Variants in AASDH observed in about 807,000 individuals in gnomAD.
AASDH encodes the protein beta-alanine-activating enzyme.
In AASDH, 81 loss-of-function variants were observed where a neutral mutation model predicts 102.3. The observed-to-expected ratio is 0.79, with a 90% CI of 0.66 to 0.95. The LOEUF (loss-of-function observed/expected upper bound fraction) is 0.95, where lower values mean the gene tolerates loss of function less well. Among genes scored for constraint, AASDH ranks in the 40% least tolerant of loss-of-function variants. The pLI is 0.00. For missense variants in AASDH, 1,203 were observed against 1,266.2 expected (o/e 0.95, Z 0.76); for synonymous variants, 398 against 454.0 (o/e 0.88, Z 1.57).
At chr4:56,382,641 T>A in intron 2 of AASDH, 44 bp from the exon 3 acceptor site, 1 of 1,573,146 alleles carries the variant, frequency 6.4e-7, no homozygotes, top group Non-Finnish European at 8.6e-7. Flanking sequence ...TCTGTTGATT[T>A]AGTATTTGTT....
At position 56,338,394 on chromosome 4, in the gene AASDH, G is replaced by A. The variant is rs377300152; in HGVS notation, c.*8C>T. On this transcript the variant is annotated 3_prime_UTR_variant, in exon 15 of 15. Transcript: ENST00000205214. ...CACATTTGTTATACAAATAAGGACT[G>A]TATTTGATTATTTTTGATTGCCACC... 3.1e-6 allele frequency: 5 copies of A among 1,610,690 alleles called. No individual in the cohort carries two copies. The highest frequency in any genetic ancestry group is 4.2e-6 in the Non-Finnish European group (5 of 1,177,526).
rs1176320852 is a variant in AASDH at position 56,349,630 on chromosome 4, A to G, written c.2121T>C (p.Pro707=). The G allele has an allele frequency of 1.2e-6, 2 of 1,614,246 alleles. No individual in the cohort carries two copies. The highest frequency in any genetic ancestry group is 4.5e-5 in the East Asian group (2 of 44,890). Reference sequence around the variant, plus strand: ...TGTTGGTCTGTGAAACTGAGTCAGAAGGACAGGCTGAAGAGCAATGTCCTA... The same window carrying G: ...TGTTGGTCTGTGAAACTGAGTCAGAGGGACAGGCTGAAGAGCAATGTCCTA... The part of the protein sequence containing the change: ...TKLGHCSSAC[P]SDSVSQTNIQ... The change falls in exon 11 of 15, where the codon CCT becomes CCC. Residue 707 remains proline, a synonymous_variant. Coordinates refer to ENST00000205214, the MANE Select transcript of AASDH (RefSeq NM_181806.4).
At position 56,378,596 on chromosome 4, in the gene AASDH, C is replaced by G. The variant is rs528706826; in HGVS notation, c.352-132G>C. On this transcript the variant is annotated intron_variant, in intron 3 of 14. Coordinates refer to ENST00000205214, the MANE Select transcript of AASDH (RefSeq NM_181806.4). ...ATTGGTTCTAGGATCATCTCAGATA[C>G]CAAAATCTGAAGATGCTCAAGTCCC... is the stretch of plus-strand genomic sequence containing the variant. The G allele has an allele frequency of 1.4e-5, 11 of 793,454 alleles. No individual in the cohort carries two copies. In the East Asian group the frequency reaches 3.0e-4, roughly 22 times the overall value. The allele number at this position is 793,454 out of a possible 1,614,324, so 49.2% of individuals were successfully genotyped here.
chr4:56,378,121 GAGAA>G (rs1372785683), intron 4 of AASDH, 23 bp downstream of exon 4: 2 of 1,559,276 alleles, frequency 1.3e-6, no homozygotes, highest in Admixed American at 2.0e-5. Flanking sequence ...TATAGATTCT[GAGAA>G]AGAGTCAAAG....
chr4:56,386,303 T>G (rs1753545681), intron 1 of AASDH, among the ~76,000 whole-genome samples: 1 of 152,156 alleles, frequency 6.6e-6, no homozygotes, highest in South Asian at 2.1e-4. Flanking sequence ...AACATACAGG[T>G]AGCGCAGAAG....
chr4:56,342,855 A>C lies in AASDH; in HGVS notation c.2887T>G (p.Phe963Val), dbSNP rs1383598389. The change falls in exon 14 of 15, where the codon TTT (phenylalanine) becomes GTT (valine). Residue 963 changes from phenylalanine to valine, a missense_variant. Phe to Val is a conservative substitution (Grantham distance 50, BLOSUM62 -1). Coordinates refer to ENST00000205214, the MANE Select transcript of AASDH (RefSeq NM_181806.4). ...ATTACCTGTTCTCCAAAGTGAGTAA[A>C]GCAGAGTAAATTCCCATCTACACAG... is the stretch of plus-strand genomic sequence containing the variant. ...IGCVDGNLLC[F>V]THFGEQVWQF... is the part of the protein sequence containing the mutation. 1 of 1,491,178 alleles carries C rather than the reference A, an allele frequency of 6.7e-7. No homozygotes were observed. The highest frequency in any genetic ancestry group is 1.4e-5 in the African/African-American group (1 of 71,520). The allele number at this position is 1,491,178 out of a possible 1,614,324, so 92.4% of individuals were successfully genotyped here. A position where few individuals can be genotyped will look rare whatever the true frequency, so the allele number is the denominator to read the frequency against.
At chr4:56,338,826 C>A in intron 14 of AASDH, 35 bp from the exon 15 acceptor site, 1 of 1,571,022 alleles carries the variant, frequency 6.4e-7, no homozygotes, top group Admixed American at 1.8e-5. Flanking sequence ...ATAATTCATT[C>A]ATCTAATTGC....
At chr4:56,377,506 C>T (rs76038860) in intron 4 of AASDH, among the ~76,000 whole-genome samples, 3,778 of 152,316 alleles carry the variant, frequency 0.025, 152 homozygotes, top group East Asian at 0.2. Context: ...CTCTGACATT[C>T]TAGTAGGACA....
At chr4:56,373,638 CA>C (rs1219270071) in intron 4 of AASDH, among the ~76,000 whole-genome samples, 1 of 152,118 alleles carries the variant, frequency 6.6e-6, no homozygotes, top group Non-Finnish European at 1.5e-5. Flanking sequence ...TTTCTGAGCC[CA>C]ACAAAGGCTA....
At position 56,354,741 on chromosome 4, in the gene AASDH, A is replaced by T. The variant is rs139646993; in HGVS notation, c.1174T>A (p.Phe392Ile). Reference protein sequence around the residue: ...TVVEVRDTNGFTIQEGSGQVF... With the variant: ...TVVEVRDTNGITIQEGSGQVF... ...TGGCCACTGCCTTCCTGAATTGTGA[A>T]GCCATTAGTATCTCTGACTTCAACT... The change falls in exon 7 of 15, where the codon TTC becomes ATC. Residue 392 changes from phenylalanine (F) to isoleucine (I), a missense_variant. Transcript: ENST00000205214. 1.2e-6 allele frequency: 2 copies of T among 1,609,046 alleles called. No homozygotes were observed. Among genetic ancestry groups the T allele is most frequent in the East Asian group, 2.2e-5 (1 of 44,670 alleles).
At chr4:56,374,369 G>GAAAA (rs71192096) in intron 4 of AASDH, among the ~76,000 whole-genome samples, 1 of 105,878 alleles carries the variant, frequency 9.4e-6, no homozygotes, top group East Asian at 2.8e-4. Flanking sequence ...CTCTGTCTCA[G>GAAAA]AAAAAAAAAA....
At chr4:56,377,116 T>G (rs1752454561) in intron 4 of AASDH, among the ~76,000 whole-genome samples, 1 of 151,976 alleles carries the variant, frequency 6.6e-6, no homozygotes, top group African/African-American at 2.4e-5. Context: ...TAACTTCACT[T>G]GATTCTTTTT....
At chr4:56,346,178 T>C (rs1748305591) in intron 11 of AASDH, among the ~76,000 whole-genome samples, 2 of 152,214 alleles carry the variant, frequency 1.3e-5, no homozygotes, top group Admixed American at 1.3e-4. Flanking sequence ...AGAAGTAGAA[T>C]TTGGGGACAG....
intron 11 of AASDH, chr4:56,348,979 C>T (rs1748653949): frequency 4.4e-6 from 2 of 457,916 alleles, no homozygotes; most frequent in East Asian, 3.7e-5. Context: ...TACAGCAACA[C>T]ATTTTATTAT....
chr4:56,349,466 T>C lies in AASDH; in HGVS notation c.2285A>G (p.Asp762Gly), dbSNP rs1250988223. ...TGAAGCATCTACACATTTGCCTGTG[T>C]CTGACCTCCACCTCACATGTAACTC... ...KMELHVRWRS[D>G]TGKCVDASPL... The change falls in exon 11 of 15, where the codon GAC becomes GGC. Residue 762 changes from aspartate to glycine, a missense_variant. Physicochemically the swap from Asp to Gly is moderately conservative, Grantham distance 94 (BLOSUM62 -1). Coordinates refer to ENST00000205214, the MANE Select transcript of AASDH (RefSeq NM_181806.4). The C allele has an allele frequency of 5.0e-6, 8 of 1,614,102 alleles. No homozygotes were observed. Among genetic ancestry groups the C allele is most frequent in the Non-Finnish European group, 6.8e-6 (8 of 1,180,042 alleles).
intron 9 of AASDH, 55 bp downstream of exon 9, chr4:56,353,349 T>C: frequency 1.5e-6 from 2 of 1,363,650 alleles, no homozygotes; most frequent in Non-Finnish European, 1.0e-6. Context: ...AAGCTAGTTA[T>C]GAATACAATT....
At chr4:56,386,656 G>A (rs1415121232) in intron 1 of AASDH, among the ~76,000 whole-genome samples, 1 of 150,224 alleles carries the variant, frequency 6.7e-6, no homozygotes, top group Non-Finnish European at 1.5e-5. Flanking sequence ...AGCCGGGCGC[G>A]GTGGCGGGCG....
Position 56,350,298 on chromosome 4 carries a change from C to A in AASDH, c.1693-240G>T, listed in dbSNP as rs1748851272. ...AGTGAAACCCCACCTCCACTAAAAC[C>A]ACGAAAATTAGCTGGGTGCGGTGGT... On this transcript the variant is annotated intron_variant, in intron 10 of 14. Transcript: ENST00000205214. Among the ~76,000 whole-genome samples, 2 of 151,980 alleles carry A rather than the reference C, an allele frequency of 1.3e-5. 1 individual carries two copies. Among genetic ancestry groups the A allele is most frequent in the Non-Finnish European group, 2.9e-5 (2 of 67,988 alleles).
At chr4:56,360,633 T>C (rs1481594987) in intron 5 of AASDH, among the ~76,000 whole-genome samples, 1 of 152,242 alleles carries the variant, frequency 6.6e-6, no homozygotes. Flanking sequence ...TTTTTCCATT[T>C]TGTCCAGCTT....
Sources: allele counts gnomAD v4.1 joint callset (sites outside exome capture counted in the v4.1 genomes callset), GRCh38; gene constraint gnomAD v4.1.1; transcripts MANE v1.5; gene names NCBI Gene and HGNC (gene_info 2026-07-23, HGNC 2026-07-21).